The following AUTS2 variants were observed in gnomAD, a reference collection of about 807,000 sequenced individuals.
AUTS2 encodes activator of transcription and developmental regulator AUTS2.
Under a neutral mutation model 112.4 loss-of-function variants are expected in AUTS2, and 17 were observed. That is an observed-to-expected ratio of 0.15 (90% CI 0.10 to 0.23). The LOEUF is 0.23. Ranked by LOEUF, AUTS2 falls within the 10% of genes least tolerant of loss-of-function variation. The probability of loss-of-function intolerance (pLI) is 1.00; values close to 1 mark genes in which losing one functional copy is unlikely to be tolerated. For synonymous variants in AUTS2, 751 were observed against 702.7 expected, an observed-to-expected ratio of 1.07 and a Z score of -1.09; for missense variants, 1,510 against 1,701.6, an observed-to-expected ratio of 0.89 and a Z score of 1.98.
intron 3 of AUTS2, among the ~76,000 whole-genome samples, chr7:70,122,383 C>T (rs189708404): frequency 6.6e-6 from 1 of 152,304 alleles, no homozygotes; most frequent in African/African-American, 2.4e-5. Flanking sequence ...GCTTATTCTG[C>T]TTTCACTTCA....
chr7:70,585,108 G>A (rs1260572372), intron 5 of AUTS2, among the ~76,000 whole-genome samples: 12 of 152,224 alleles, frequency 7.9e-5, no homozygotes, highest in Non-Finnish European at 1.3e-4. Context: ...TGGGAGCTGA[G>A]AGAAAACCTG....
At chr7:70,749,913 G>A (rs1466321125) in intron 6 of AUTS2, among the ~76,000 whole-genome samples, 1 of 152,182 alleles carries the variant, frequency 6.6e-6, no homozygotes, top group Non-Finnish European at 1.5e-5. Context: ...AGCTCTAAAG[G>A]AATAGAAGAG....
intron 6 of AUTS2, among the ~76,000 whole-genome samples, chr7:70,715,801 G>T (rs922432538): frequency 3.3e-5 from 5 of 152,236 alleles, no homozygotes; most frequent in Non-Finnish European, 5.9e-5. Flanking sequence ...CAAAGTGCTG[G>T]GATTTACAGG....
At chr7:70,239,021 A>G (rs1027934489) in intron 4 of AUTS2, among the ~76,000 whole-genome samples, 15 of 152,336 alleles carry the variant, frequency 9.8e-5, no homozygotes, top group Non-Finnish European at 2.2e-4. Flanking sequence ...CCGATGTAAT[A>G]GAGATGCCTG....
chr7:69,857,130 A>G (rs577524317), intron 1 of AUTS2, among the ~76,000 whole-genome samples: 77 of 152,288 alleles, frequency 5.1e-4, no homozygotes, highest in African/African-American at 1.7e-3. Flanking sequence ...ATGGAATTGT[A>G]GTCAGTCAGA....
chr7:69,638,169 C>T (rs1794634557), intron 1 of AUTS2, among the ~76,000 whole-genome samples: 1 of 152,148 alleles, frequency 6.6e-6, no homozygotes, highest in African/African-American at 2.4e-5. Context: ...CAGGTGCATG[C>T]CACCGTGCCT....
intron 2 of AUTS2, among the ~76,000 whole-genome samples, chr7:70,015,560 A>G (rs561362013): frequency 5.3e-5 from 8 of 152,370 alleles, no homozygotes; most frequent in Admixed American, 1.3e-4. Context: ...TACAAGGACA[A>G]TAAAAGAATT....
At chr7:70,370,550 T>C (rs769630061) in intron 4 of AUTS2, among the ~76,000 whole-genome samples, 4 of 152,248 alleles carry the variant, frequency 2.6e-5, no homozygotes, top group African/African-American at 7.2e-5. Context: ...TTACATTACA[T>C]TGATACACCA....
intron 1 of AUTS2, among the ~76,000 whole-genome samples, chr7:69,809,794 A>C (rs1790468034): frequency 6.6e-6 from 1 of 152,068 alleles, no homozygotes; most frequent in South Asian, 2.1e-4. Context: ...ACCAATCAAT[A>C]CCACAATTAA....
chr7:70,096,494 G>T (rs1300820256), intron 2 of AUTS2, among the ~76,000 whole-genome samples: 1 of 151,332 alleles, frequency 6.6e-6, no homozygotes, highest in East Asian at 1.9e-4. Flanking sequence ...GCTAACTAGG[G>T]AGGCTGAGGT....
intron 2 of AUTS2, among the ~76,000 whole-genome samples, chr7:69,960,090 G>A (rs1440368594): frequency 1.3e-5 from 2 of 151,974 alleles, no homozygotes; most frequent in African/African-American, 4.8e-5. Context: ...TTTTCATTTT[G>A]TCAGACTGCA....
rs1808979518 is a variant in AUTS2, at chr7:70,694,768, C to T, written c.691-3801C>T. The T allele has an allele frequency of 6.7e-6, 1 of 149,492 alleles. No individual in the cohort carries two copies. The highest frequency in any genetic ancestry group is 1.5e-5 in the Non-Finnish European group (1 of 66,706). The allele number at this position is 149,492 out of a possible 1,614,324, so 9.3% of individuals were successfully genotyped here. A position where few individuals can be genotyped will look rare whatever the true frequency, so the allele number is the denominator to read the frequency against. ...GGCGCGCTCCTCCCGCCGCCCGGGGCCTCGGCCGCGCTGGATGTGTGCGCG... is the reference window on the plus strand; with the variant it reads ...GGCGCGCTCCTCCCGCCGCCCGGGGTCTCGGCCGCGCTGGATGTGTGCGCG... On this transcript the variant is annotated intron_variant, in intron 5 of 18. Coordinates refer to ENST00000342771, the MANE Select transcript of AUTS2 (RefSeq NM_015570.4). This position sits in a 1 kb window ranked among gnomAD's most constrained non-coding sequence, Gnocchi z 4.1.
At chr7:70,319,856 GA>G (rs10716273) in intron 4 of AUTS2, among the ~76,000 whole-genome samples, 9,531 of 152,150 alleles carry the variant, frequency 0.063, 357 homozygotes, top group Middle Eastern at 0.13. Context: ...TTACCCTTAT[GA>G]AGCTTACATT....
At chr7:69,727,057 G>A (rs1206928746) in intron 1 of AUTS2, among the ~76,000 whole-genome samples, 5 of 151,892 alleles carry the variant, frequency 3.3e-5, no homozygotes, top group Admixed American at 6.5e-5. Flanking sequence ...TATATATTTT[G>A]TGTCTTTTGT....
At chr7:70,501,653 T>C (rs1585224648) in intron 5 of AUTS2, among the ~76,000 whole-genome samples, 1 of 152,218 alleles carries the variant, frequency 6.6e-6, no homozygotes, top group East Asian at 1.9e-4. Flanking sequence ...TCATCCAGGC[T>C]ACATGAGACA....
At chr7:70,410,539 T>C (rs1204271707) in intron 4 of AUTS2, among the ~76,000 whole-genome samples, 2 of 151,740 alleles carry the variant, frequency 1.3e-5, no homozygotes, top group Admixed American at 1.3e-4. Flanking sequence ...GCCTCCCACA[T>C]CTGCCTCCAG....
intron 1 of AUTS2, among the ~76,000 whole-genome samples, chr7:69,815,748 C>A (rs544622253): frequency 2.0e-5 from 3 of 152,208 alleles, no homozygotes; most frequent in Non-Finnish European, 4.4e-5. Flanking sequence ...CCCTTGACCT[C>A]GTGATCCACC....
intron 6 of AUTS2, among the ~76,000 whole-genome samples, chr7:70,716,669 A>T (rs1006645360): frequency 7.3e-6 from 1 of 136,224 alleles, no homozygotes; most frequent in Non-Finnish European, 1.6e-5. Context: ...AAAAAAAGGG[A>T]AGTCTCTTGT....
chr7:70,228,944 G>A (rs1337300766), intron 4 of AUTS2, among the ~76,000 whole-genome samples: 2 of 151,722 alleles, frequency 1.3e-5, no homozygotes, highest in Admixed American at 1.3e-4. Context: ...TTTAAATGTG[G>A]AATTGATTTA....
Sources: allele counts gnomAD v4.1 joint callset (sites outside exome capture counted in the v4.1 genomes callset), GRCh38; gene constraint gnomAD v4.1.1; non-coding constraint Gnocchi (gnomAD v3.1); transcripts MANE v1.5; gene names NCBI Gene and HGNC (gene_info 2026-07-23, HGNC 2026-07-21).